The following TNIK variants were observed in gnomAD, a reference collection of about 807,000 sequenced individuals.
The protein encoded by TNIK is TRAF2 and NCK-interacting protein kinase.
In TNIK, 49 loss-of-function variants were observed where a neutral mutation model predicts 191.3. The observed-to-expected ratio is 0.26, with a 90% confidence interval of 0.20 to 0.32. The LOEUF (loss-of-function observed/expected upper bound fraction) is 0.32, where lower values mean the gene tolerates loss of function less well. Ranked by LOEUF, TNIK falls within the 10% of genes least tolerant of loss-of-function variation. TNIK has a pLI of 1.00. For missense variants in TNIK, 1,155 were observed against 1,702.3 expected (o/e 0.68, Z 5.66); for synonymous variants, 594 against 600.9 (o/e 0.99, Z 0.17).
intron 7 of TNIK, among the ~76,000 whole-genome samples, chr3:171,187,959 T>G (rs966891776): frequency 1.3e-5 from 2 of 152,198 alleles, no homozygotes; most frequent in Admixed American, 6.6e-5. Flanking sequence ...CTAATTTTAT[T>G]GCCTTGACTT....
intron 4 of TNIK, among the ~76,000 whole-genome samples, chr3:171,197,984 T>C (rs1738911883): frequency 6.6e-6 from 1 of 152,114 alleles, no homozygotes; most frequent in Non-Finnish European, 1.5e-5. Flanking sequence ...AGTAGCACTA[T>C]TCACAATAGA....
chr3:171,407,385 AT>A (rs1721833235), intron 1 of TNIK, among the ~76,000 whole-genome samples: 1 of 152,226 alleles, frequency 6.6e-6, no homozygotes, highest in Non-Finnish European at 1.5e-5. Flanking sequence ...GAAACGTTTT[AT>A]TTGTAAAATA....
rs913248004 is a variant in TNIK, at chr3:171,084,079, A to C, written c.3169+76T>G. 5 of 1,435,932 alleles carry C rather than the reference A, an allele frequency of 3.5e-6. No individual in the cohort carries two copies. In the African/African-American group the frequency reaches 5.8e-5, roughly 17 times the overall value. 88.9% of individuals were successfully genotyped at this position (1,435,932 alleles called of 1,614,324 possible). ...GTGTTCTTTTGATGACAAGATCCAC[A>C]GGCTTTTAATGTTTGAGGGTCAGTT... On this transcript the variant is annotated intron_variant, in intron 26 of 32. Transcript: ENST00000436636.
chr3:171,277,977 A>G (rs575313369), intron 2 of TNIK, among the ~76,000 whole-genome samples: 1 of 152,320 alleles, frequency 6.6e-6, no homozygotes, highest in East Asian at 1.9e-4. Context: ...GCAGGGAGCC[A>G]TGATCATGCC....
chr3:171,230,233 C>T (rs1199672530), intron 2 of TNIK, among the ~76,000 whole-genome samples: 2 of 152,322 alleles, frequency 1.3e-5, no homozygotes, highest in Admixed American at 1.3e-4. Flanking sequence ...CAACAGCGTC[C>T]TCTTTTGAGT....
At chr3:171,361,798 A>G (rs922896303) in intron 2 of TNIK, among the ~76,000 whole-genome samples, 4 of 152,218 alleles carry the variant, frequency 2.6e-5, no homozygotes, top group African/African-American at 7.2e-5. Flanking sequence ...AGGAATTTAT[A>G]TTTAACAAAA....
chr3:171,087,508 TGA>T lies in TNIK; in HGVS notation c.2722-4_2722-3del, dbSNP rs763199032. The T allele has an allele frequency of 2.2e-5, 35 of 1,613,378 alleles. No individual in the cohort carries two copies. The highest frequency in any genetic ancestry group is 3.0e-5 in the Non-Finnish European group (35 of 1,179,690). ...AGATCGCTTCTTCTCTCCAGACGTC[TGA>T]GGGAGCACAGCACGTGGGAGGAGTT... is the stretch of plus-strand genomic sequence containing the variant. On this transcript the variant is annotated splice_polypyrimidine_tract_variant and splice_region_variant and intron_variant, in intron 23 of 32. Coordinates refer to ENST00000436636, the MANE Select transcript of TNIK (RefSeq NM_015028.4).
intron 16 of TNIK, among the ~76,000 whole-genome samples, chr3:171,127,353 AAAT>A (rs1279372181): frequency 6.6e-6 from 1 of 152,110 alleles, no homozygotes; most frequent in East Asian, 1.9e-4. Context: ...ATCATTAAAT[AAAT>A]AATAATATTA....
At chr3:171,217,557 AAAAGT>A (rs1284661998) in intron 3 of TNIK, among the ~76,000 whole-genome samples, 7 of 152,176 alleles carry the variant, frequency 4.6e-5, no homozygotes, top group East Asian at 1.9e-4. Flanking sequence ...GTTGCAAAAA[AAAAGT>A]AAAGAAGAAA....
rs1723566292 is a variant in TNIK at position 171,101,562 on chromosome 3, C to G, written c.2478G>C (p.Val826=). Residue 826 remains valine, a synonymous_variant, in exon 22 of 33, where the codon GTG becomes GTC. Coordinates refer to ENST00000436636, the MANE Select transcript of TNIK (RefSeq NM_015028.4). ...CCTCACTGGAGGAGGAGTAATCAGT[C>G]ACCTTCTTCATTGGGCGGTTTGTTT... ...IEETNRPMKK[V]TDYSSSSEES... 1 of 1,613,350 alleles carries G rather than the reference C, an allele frequency of 6.2e-7. No individual in the cohort carries two copies. Among genetic ancestry groups the G allele is most frequent in the African/African-American group, 1.3e-5 (1 of 74,886 alleles).
At chr3:171,249,081 A>G (rs1046152073) in intron 2 of TNIK, among the ~76,000 whole-genome samples, 1 of 152,238 alleles carries the variant, frequency 6.6e-6, no homozygotes, top group Non-Finnish European at 1.5e-5. Flanking sequence ...AGCTTATGAA[A>G]TTCTGTTAAA....
intron 2 of TNIK, among the ~76,000 whole-genome samples, chr3:171,327,624 GA>G (rs1755923340): frequency 6.6e-6 from 1 of 152,080 alleles, no homozygotes; most frequent in Non-Finnish European, 1.5e-5. Context: ...TGCTCATCCA[GA>G]ACAGTAGCTC....
chr3:171,144,732 A>G (rs1731300857), intron 12 of TNIK, among the ~76,000 whole-genome samples: 1 of 152,194 alleles, frequency 6.6e-6, no homozygotes, highest in South Asian at 2.1e-4. Flanking sequence ...CCTCTCGTCT[A>G]TAGCTTTGCA....
chr3:171,243,849 C>A (rs1745266937), intron 2 of TNIK, among the ~76,000 whole-genome samples: 1 of 152,034 alleles, frequency 6.6e-6, no homozygotes, highest in Non-Finnish European at 1.5e-5. Context: ...AAAAGAAAAT[C>A]TTCAATATAT....
chr3:171,419,204 C>T (rs1483330970), intron 1 of TNIK, among the ~76,000 whole-genome samples: 2 of 152,086 alleles, frequency 1.3e-5, no homozygotes, highest in Admixed American at 6.6e-5. Flanking sequence ...CATGTAACAA[C>T]GTGGACAAAA....
chr3:171,259,908 C>G (rs909142927), intron 2 of TNIK, among the ~76,000 whole-genome samples: 1 of 152,114 alleles, frequency 6.6e-6, no homozygotes, highest in South Asian at 2.1e-4. Context: ...TTGGCTGTTG[C>G]GTGCCATATA....
At chr3:171,145,432 C>T (rs73169781) in intron 12 of TNIK, among the ~76,000 whole-genome samples, 2,890 of 152,206 alleles carry the variant, frequency 0.019, 49 homozygotes, top group Non-Finnish European at 0.025. Context: ...TGGCTATACA[C>T]CCAGTGGTGG....
At chr3:171,281,755 T>C (rs1215424657) in intron 2 of TNIK, among the ~76,000 whole-genome samples, 3 of 152,226 alleles carry the variant, frequency 2.0e-5, no homozygotes, top group Non-Finnish European at 4.4e-5. Context: ...ACGAGGATAG[T>C]GTTTGCTACC....
chr3:171,184,419 T>G (rs909601356), intron 7 of TNIK, among the ~76,000 whole-genome samples: 4 of 152,234 alleles, frequency 2.6e-5, no homozygotes, highest in African/African-American at 9.6e-5. Context: ...CTCACTCTCT[T>G]CCCCTGGGTA....
Sources: allele counts gnomAD v4.1 joint callset (sites outside exome capture counted in the v4.1 genomes callset), GRCh38; gene constraint gnomAD v4.1.1; transcripts MANE v1.5; gene names NCBI Gene and HGNC (gene_info 2026-07-23, HGNC 2026-07-21).